The following CRYBG2 variants were observed in gnomAD, a reference collection of about 807,000 sequenced individuals.
CRYBG2 encodes crystallin beta-gamma domain containing 2.
A neutral mutation model predicts 153.4 loss-of-function variants in CRYBG2; 106 were observed. That is an observed-to-expected ratio of 0.69 (90% CI 0.59 to 0.81). The LOEUF is 0.81. Ranked by LOEUF, CRYBG2 falls within the 30% of genes least tolerant of loss-of-function variation. The pLI is 0.00. For synonymous variants in CRYBG2, 851 were observed against 877.8 expected, an observed-to-expected ratio of 0.97 and a Z score of 0.54; for missense variants, 1,996 against 2,112.0, an observed-to-expected ratio of 0.95 and a Z score of 1.08.
chr1:26,332,481 A>G (rs528559479), intron 14 of CRYBG2, among the ~76,000 whole-genome samples: 3 of 152,092 alleles, frequency 2.0e-5, no homozygotes, highest in Non-Finnish European at 4.4e-5. Context: ...CACATGCCAT[A>G]AAATTCACAC....
chr1:26,336,714 C>T lies in CRYBG2; in HGVS notation c.3930G>A (p.Glu1310=). 6.3e-7 allele frequency: 1 copy of T among 1,579,930 alleles called. No individual in the cohort carries two copies. Among genetic ancestry groups the T allele is most frequent in the East Asian group, 2.3e-5 (1 of 43,080 alleles). The change falls in exon 12 of 20, where the codon GAG becomes GAA. Residue 1310 remains glutamate, a synonymous_variant. Coordinates refer to ENST00000308182, the MANE Select transcript of CRYBG2 (RefSeq NM_001039775.4). The surrounding 1 kb of genome is among the most constrained non-coding windows in gnomAD (Gnocchi z 4.9). ...VLSGVWVAYQ[E]VGFSGEQYVL... Reference sequence around the variant, plus strand: ...CGTACTGTTCCCCGGAGAAGCCCACCTCCTGGTAGGCCACCCACCTGCAGG... The same window carrying T: ...CGTACTGTTCCCCGGAGAAGCCCACTTCCTGGTAGGCCACCCACCTGCAGG...
Position 26,344,463 on chromosome 1 carries a change from G to C in CRYBG2, c.2195C>G (p.Ala732Gly). The part of the protein sequence containing the change: ...TPAPVPTGAE[A>G]STESQLVSDP... ...AGAGACAAGCTGGGACTCCGTGCTG[G>C]CCTCTGCTCCTGTTGGCACTGGGGC... Residue 732 changes from alanine to glycine, a missense_variant, in exon 2 of 20, where the codon GCC becomes GGC. Transcript: ENST00000308182. 2.6e-6 allele frequency: 4 copies of C among 1,534,476 alleles called. No homozygotes were observed. Among genetic ancestry groups the C allele is most frequent in the Non-Finnish European group, 2.6e-6 (3 of 1,138,078 alleles).
intron 17 of CRYBG2, 79 bp from the exon 18 acceptor site, chr1:26,324,389 CTCCAG>C: frequency 7.0e-7 from 1 of 1,424,056 alleles, no homozygotes; most frequent in Non-Finnish European, 9.3e-7. Context: ...ACTCTGGACT[CTCCAG>C]TATCAGGCTC....
chr1:26,322,844 C>T (rs1017823245), intron 18 of CRYBG2, among the ~76,000 whole-genome samples: 1 of 152,188 alleles, frequency 6.6e-6, no homozygotes, highest in East Asian at 1.9e-4. Flanking sequence ...CAAAGACCTA[C>T]AGTCCTTATA....
intron 5 of CRYBG2, among the ~76,000 whole-genome samples, chr1:26,339,659 C>T (rs1278758790): frequency 6.6e-6 from 1 of 151,970 alleles, no homozygotes; most frequent in African/African-American, 2.4e-5. Context: ...TTGCTTGAAC[C>T]TGGGAGGCAG....
chr1:26,329,506 G>A (rs1287458319), intron 15 of CRYBG2, among the ~76,000 whole-genome samples: 4 of 147,390 alleles, frequency 2.7e-5, no homozygotes, highest in African/African-American at 1.0e-4. Flanking sequence ...TTGAGATAGG[G>A]TCTCGCTCTG....
chr1:26,326,533 T>G (rs551359784), intron 17 of CRYBG2, among the ~76,000 whole-genome samples: 41 of 145,496 alleles, frequency 2.8e-4, no homozygotes, highest in African/African-American at 1.0e-3. Context: ...GCAAGAAGAC[T>G]CTGTCTCAAA....
Position 26,336,089 on chromosome 1 carries a change from TCTC to T in CRYBG2, c.4184+3_4184+5del, listed in dbSNP as rs1421894690. ...CCCCCAGCCCTCCGCCCCTCCACGT[TCTC>T]ACCTGCCGCCGTGGACCCGGCAGGA... On this transcript the variant is annotated splice_donor_5th_base_variant and intron_variant, in intron 14 of 19. Coordinates refer to ENST00000308182, the MANE Select transcript of CRYBG2 (RefSeq NM_001039775.4). This position sits in a 1 kb window ranked among gnomAD's most constrained non-coding sequence, Gnocchi z 4.9. 6.9e-7 allele frequency: 1 copy of T among 1,457,630 alleles called. No individual in the cohort carries two copies. Among genetic ancestry groups the T allele is most frequent in the African/African-American group, 1.4e-5 (1 of 70,172 alleles). The allele number at this position is 1,457,630 out of a possible 1,614,324, so 90.3% of individuals were successfully genotyped here.
chr1:26,324,017 C>G, intron 18 of CRYBG2, 135 bp downstream of exon 18: 1 of 904,242 alleles, frequency 1.1e-6, no homozygotes, highest in African/African-American at 1.7e-5. Flanking sequence ...GGGGAACAGT[C>G]TGCACTCTCC....
chr1:26,342,221 A>G (rs2074140038), intron 5 of CRYBG2, among the ~76,000 whole-genome samples: 1 of 151,962 alleles, frequency 6.6e-6, no homozygotes, highest in South Asian at 2.1e-4. Context: ...CTGCTTGAGC[A>G]TCCACTCAAA....
At position 26,345,657 on chromosome 1, in the gene CRYBG2, G is replaced by C. The variant is rs763301356; in HGVS notation, c.1001C>G (p.Ala334Gly). ...RACELWQVLG[A>G]PSSTELPLQT... is the part of the protein sequence containing the mutation. ...GAGAGGGAGCTCAGTGGAACTGGGG[G>C]CTCCCAGCACCTGCCAGAGCTCACA... The change falls in exon 2 of 20, where the codon GCC (alanine) becomes GGC (glycine). Residue 334 changes from alanine (A) to glycine (G), a missense_variant. Transcript: ENST00000308182. 5.0e-6 allele frequency: 8 copies of C among 1,598,764 alleles called. No homozygotes were observed. In the South Asian group the frequency reaches 8.8e-5, roughly 18 times the overall value.
chr1:26,343,376 A>C lies in CRYBG2; in HGVS notation c.2914-83T>G. Reference sequence around the variant, plus strand: ...CACAACCCGCCATTCCAAGGATCCCACATCCTCCCTATTAACCTCCACCCG... The same window carrying C: ...CACAACCCGCCATTCCAAGGATCCCCCATCCTCCCTATTAACCTCCACCCG... On this transcript the variant is annotated intron_variant, in intron 2 of 19. Transcript: ENST00000308182. This position sits in a 1 kb window ranked among gnomAD's most constrained non-coding sequence, Gnocchi z 4.1. The C allele has an allele frequency of 6.8e-7, 1 of 1,461,604 alleles. No homozygotes were observed. The highest frequency in any genetic ancestry group is 2.0e-5 in the Admixed American group (1 of 50,860). 90.5% of individuals were successfully genotyped at this position (1,461,604 alleles called of 1,614,324 possible). A position where few individuals can be genotyped will look rare whatever the true frequency, so the allele number is the denominator to read the frequency against.
rs1167196116 is a variant in CRYBG2, at chr1:26,328,735, T to C, written c.4453A>G (p.Ile1485Val). 2 of 1,612,634 alleles carry C rather than the reference T, an allele frequency of 1.2e-6. No individual in the cohort carries two copies. Among genetic ancestry groups the C allele is most frequent in the Non-Finnish European group, 8.5e-7 (1 of 1,179,324 alleles). ...HVLSVRIKGG[I>V]WVLCEHSDFR... The stretch of plus-strand genomic sequence containing the variant: ...CCCATGCCTCCCCTCAGCACTCACA[T>C]GCCCCCCTTGATCCGCACAGACAGC... Residue 1485 changes from isoleucine to valine, a missense_variant and splice_region_variant, in exon 16 of 20, where the codon ATT (isoleucine) becomes GTT (valine). Ile to Val is a conservative substitution (Grantham distance 29). Transcript: ENST00000308182.
rs774537107 is a variant in CRYBG2 at position 26,322,046 on chromosome 1, GC to G, written c.4907del (p.Gly1636AlafsTer42). On this transcript the variant is annotated frameshift_variant, in exon 20 of 20. Transcript: ENST00000308182. LOFTEE classifies it high-confidence loss of function. Reference protein sequence around the residue: ...GQILDVKGGRGYDRDHVVLWE... With the variant: ...GQILDVKGGRXYDRDHVVLWE... ...ATAGCACCACGTGGTCCCGGTCGTAGCCCCGGCCTCCTGGGGGTGGGATGGG... is the reference window on the plus strand; with the variant it reads ...ATAGCACCACGTGGTCCCGGTCGTAGCCCGGCCTCCTGGGGGTGGGATGGG... The G allele has an allele frequency of 7.0e-5, 112 of 1,606,652 alleles. No homozygotes were observed. In the Admixed American group the frequency reaches 1.4e-3, roughly 20 times the overall value.
In CRYBG2 at chr1:26,342,794, C is replaced by T; in HGVS notation, c.3164G>A (p.Trp1055Ter). 2 of 1,614,038 alleles carry T rather than the reference C, an allele frequency of 1.2e-6. No homozygotes were observed. Among genetic ancestry groups the T allele is most frequent in the Non-Finnish European group, 1.7e-6 (2 of 1,179,958 alleles). Residue 1055 changes from tryptophan (W) to a stop codon, truncating the protein, a stop_gained, in exon 5 of 20, where the codon TGG (tryptophan) becomes TAG (stop). Coordinates refer to ENST00000308182, the MANE Select transcript of CRYBG2 (RefSeq NM_001039775.4). LOFTEE classifies it high-confidence loss of function. ...TAGGGAGCCGATGCCTTGGGGACTC[C>T]ACTTTGTCCCTGGGGTTCTGAGTTC... Reference protein sequence around the residue: ...DMELRTPGTKWSPQGIGSLRR... With the variant: ...DMELRTPGTK
rs1022644831 is a variant in CRYBG2, at chr1:26,325,485, G to A, written c.4579-1175C>T. Among the ~76,000 whole-genome samples the A allele has an allele frequency of 1.3e-5, 2 of 150,886 alleles. No individual in the cohort carries two copies. The highest frequency in any genetic ancestry group is 1.5e-5 in the Non-Finnish European group (1 of 67,648). On this transcript the variant is annotated intron_variant, in intron 17 of 19. Coordinates refer to ENST00000308182, the MANE Select transcript of CRYBG2 (RefSeq NM_001039775.4). The surrounding 1 kb of genome is among the most constrained non-coding windows in gnomAD (Gnocchi z 4.1). ...TGAGGCAGGAGAATCGCTTGAACCC[G>A]GGAGATGTAGGTTGCAGTGAGCCGA...
At position 26,328,763 on chromosome 1, in the gene CRYBG2, A is replaced by G. The variant is rs928230899; in HGVS notation, c.4425T>C (p.His1475=). Residue 1475 remains histidine (H), a synonymous_variant, in exon 16 of 20, where the codon CAT becomes CAC. Coordinates refer to ENST00000308182, the MANE Select transcript of CRYBG2 (RefSeq NM_001039775.4). ...RSLQAEGFNN[H]VLSVRIKGGI... ...CCCCCTTGATCCGCACAGACAGCAC[A>G]TGGTTGTTGAAGCCCTCGGCTTGCA... 3.1e-6 allele frequency: 5 copies of G among 1,613,800 alleles called. No individual in the cohort carries two copies. Among genetic ancestry groups the G allele is most frequent in the Admixed American group, 1.7e-5 (1 of 59,962 alleles).
rs1253993304 is a variant in CRYBG2 at position 26,343,111 on chromosome 1, A to G, written c.3010T>C (p.Trp1004Arg). ...CCTGAGGCATCAACGATGTCTCCCC[A>G]GACCTCCCTGCCACTGCCTTGGCAG... ...SGCQGSGREV[W>R]GDIVDASGWA... The change falls in exon 4 of 20, where the codon TGG (tryptophan) becomes CGG (arginine). Residue 1004 changes from tryptophan to arginine, a missense_variant. Transcript: ENST00000308182. This position sits in a 1 kb window ranked among gnomAD's most constrained non-coding sequence, Gnocchi z 4.1. 1.3e-6 allele frequency: 2 copies of G among 1,550,456 alleles called. No individual in the cohort carries two copies. The highest frequency in any genetic ancestry group is 1.4e-5 in the African/African-American group (1 of 73,134).
rs2074156698 is a variant in CRYBG2, at chr1:26,343,312, A to T, written c.2914-19T>A. ...CTGGGCTCTGAAACGGAGGCAGGTG[A>T]TAAAGAAGTCCTGTGGGGTCACCTC... is the stretch of plus-strand genomic sequence containing the variant. On this transcript the variant is annotated intron_variant, in intron 2 of 19. Transcript: ENST00000308182. The surrounding 1 kb of genome is among the most constrained non-coding windows in gnomAD (Gnocchi z 4.1). The T allele has an allele frequency of 6.5e-7, 1 of 1,549,960 alleles. No individual in the cohort carries two copies.
Sources: gnomAD v4.1 joint callset for allele counts (sites outside exome capture counted in the v4.1 genomes callset) on GRCh38, gnomAD v4.1.1 for gene constraint, Gnocchi (gnomAD v3.1) non-coding constraint, MANE v1.5 for transcripts, NCBI Gene and HGNC (gene_info 2026-07-23, HGNC 2026-07-21) for gene names.